Variants in MORC3 observed in about 807,000 individuals in gnomAD.
MORC3 encodes MORC family CW-type zinc finger protein 3.
Under a neutral mutation model 109.1 loss-of-function variants are expected in MORC3, and 31 were observed. The ratio of observed to expected loss-of-function variants is 0.28; its 90% CI spans 0.21 to 0.38. The LOEUF is 0.38. MORC3 is among the 10% of genes least tolerant of loss of function. MORC3 has a pLI of 1.00. For missense variants in MORC3, 867 were observed against 1,135.8 expected, an observed-to-expected ratio of 0.76 and a Z score of 3.40; for synonymous variants, 395 against 380.7, an observed-to-expected ratio of 1.04 and a Z score of -0.44.
chr21:36,358,789 C>T (rs1601533167), intron 10 of MORC3, among the ~76,000 whole-genome samples: 1 of 152,018 alleles, frequency 6.6e-6, no homozygotes, highest in Non-Finnish European at 1.5e-5. Context: ...ATACAATTCT[C>T]CTGCCTCAGC....
intron 9 of MORC3, among the ~76,000 whole-genome samples, chr21:36,351,533 G>A (rs1417834170): frequency 6.6e-6 from 1 of 152,096 alleles, no homozygotes; most frequent in African/African-American, 2.4e-5. Context: ...TGAGATATTT[G>A]TCTTTCTATA....
At chr21:36,367,294 G>A (rs2085792112) in intron 14 of MORC3, among the ~76,000 whole-genome samples, 1 of 152,146 alleles carries the variant, frequency 6.6e-6, no homozygotes, top group Admixed American at 6.5e-5. Context: ...CCTAAATGAT[G>A]ATGGCAGTTT....
At chr21:36,340,277 C>CAAAA (rs1346689464) in intron 5 of MORC3, among the ~76,000 whole-genome samples, 3 of 90,178 alleles carry the variant, frequency 3.3e-5, no homozygotes, top group Admixed American at 1.2e-4. Context: ...GACTCTGTCT[C>CAAAA]AAAAAAAAAA....
chr21:36,361,893 A>G (rs2085721192), intron 12 of MORC3: 1 of 391,982 alleles, frequency 2.6e-6, no homozygotes, highest in Non-Finnish European at 4.6e-6. Context: ...GAAAAAACCT[A>G]TGTGATGTTC....
At chr21:36,328,422 G>A (rs938449509) in intron 1 of MORC3, among the ~76,000 whole-genome samples, 4 of 145,562 alleles carry the variant, frequency 2.7e-5, no homozygotes, top group African/African-American at 1.0e-4. Flanking sequence ...CGCCATCGCA[G>A]TCTCCACCTA....
intron 1 of MORC3, among the ~76,000 whole-genome samples, chr21:36,327,355 GC>G (rs140307723): frequency 0.011 from 1,541 of 145,082 alleles, 82 homozygotes; most frequent in African/African-American, 0.041. Context: ...ACGGGGTTTT[GC>G]CATGTTGGCC....
intron 9 of MORC3, among the ~76,000 whole-genome samples, chr21:36,353,706 A>C (rs1601529463): frequency 6.9e-6 from 1 of 144,728 alleles, no homozygotes; most frequent in East Asian, 2.1e-4. Flanking sequence ...TCAGCCTCCC[A>C]AGTAGCTGGG....
At chr21:36,363,743 C>T (rs1380973375) in intron 13 of MORC3, among the ~76,000 whole-genome samples, 1 of 152,218 alleles carries the variant, frequency 6.6e-6, no homozygotes, top group East Asian at 1.9e-4. Flanking sequence ...GGCAGTTGTG[C>T]TTCTTGCTTG....
Position 36,339,150 on chromosome 21 carries a change from A to G in MORC3, c.608+229A>G, listed in dbSNP as rs2085407319. 4 of 342,542 alleles carry G rather than the reference A, an allele frequency of 1.2e-5. No individual in the cohort carries two copies. The East Asian group carries it at 2.1e-4, about 18-fold the overall frequency. 21.2% of individuals were successfully genotyped at this position (342,542 alleles called of 1,614,324 possible). ...AAATTTTTTTTTGAGACGAAGTCTC[A>G]CTCTTGTTCCCCAGGCTGGAATGCG... On this transcript the variant is annotated intron_variant, in intron 5 of 16. Transcript: ENST00000400485.
chr21:36,339,429 A>T (rs8184901), intron 5 of MORC3: 88,995 of 147,880 alleles, frequency 0.6, 27,540 homozygotes, highest in East Asian at 0.99. Flanking sequence ...AAAAAAAAAA[A>T]TTTTTTTCTA....
At chr21:36,351,724 C>A (rs1349260174) in intron 9 of MORC3, among the ~76,000 whole-genome samples, 1 of 152,174 alleles carries the variant, frequency 6.6e-6, no homozygotes, top group Non-Finnish European at 1.5e-5. Context: ...AACCCTCGTA[C>A]ACTATTAGTG....
intron 16 of MORC3, among the ~76,000 whole-genome samples, chr21:36,372,887 A>C (rs1601545047): frequency 6.6e-6 from 1 of 151,982 alleles, no homozygotes; most frequent in Non-Finnish European, 1.5e-5. Context: ...ACTGAAACTC[A>C]CTCCTTCAAC....
intron 10 of MORC3, among the ~76,000 whole-genome samples, chr21:36,359,361 C>G (rs1275908162): frequency 2.0e-5 from 3 of 152,070 alleles, no homozygotes; most frequent in African/African-American, 7.2e-5. Context: ...GCCTCATACT[C>G]CTGTGCTCAA....
intron 1 of MORC3, among the ~76,000 whole-genome samples, chr21:36,325,867 T>C (rs2085242353): frequency 6.6e-6 from 1 of 151,988 alleles, no homozygotes; most frequent in Non-Finnish European, 1.5e-5. Flanking sequence ...ATTAGTCACT[T>C]AGTAGCTGTG....
intron 14 of MORC3, among the ~76,000 whole-genome samples, chr21:36,367,140 T>C (rs923972497): frequency 2.0e-5 from 3 of 152,154 alleles, no homozygotes; most frequent in African/African-American, 7.2e-5. Context: ...TGTCAGAAGA[T>C]AGGGAATTTA....
At chr21:36,321,854 C>G (rs1002664817) in intron 1 of MORC3, among the ~76,000 whole-genome samples, 26 of 152,112 alleles carry the variant, frequency 1.7e-4, no homozygotes, top group Non-Finnish European at 3.2e-4. Context: ...CCCCCAGGCC[C>G]TTGTAGACTC....
intron 1 of MORC3, among the ~76,000 whole-genome samples, chr21:36,328,954 CAACAACAACAA>C (rs2085281461): frequency 6.7e-6 from 1 of 148,342 alleles, no homozygotes; most frequent in South Asian, 2.2e-4. Flanking sequence ...TGATGAACTA[CAACAACAACAA>C]AAAAAATCAC....
intron 13 of MORC3, among the ~76,000 whole-genome samples, chr21:36,363,096 G>A (rs2085738989): frequency 6.6e-6 from 1 of 152,044 alleles, no homozygotes; most frequent in Non-Finnish European, 1.5e-5. Flanking sequence ...TAGGCTTACC[G>A]TAGAGTTACA....
intron 9 of MORC3, among the ~76,000 whole-genome samples, chr21:36,354,742 T>C (rs8132895): frequency 2.0e-5 from 3 of 152,078 alleles, no homozygotes; most frequent in Non-Finnish European, 4.4e-5. Context: ...GAACCCACCT[T>C]CTGGATTGTC....
Sources: allele counts gnomAD v4.1 joint callset (sites outside exome capture counted in the v4.1 genomes callset), GRCh38; gene constraint gnomAD v4.1.1; transcripts MANE v1.5; gene names NCBI Gene and HGNC (gene_info 2026-07-23, HGNC 2026-07-21).